RHOBTB1: variants seen among roughly 807,000 people sequenced by gnomAD.
RHOBTB1 encodes the protein rho-related BTB domain-containing protein 1.
In RHOBTB1, 40 loss-of-function variants were observed where a neutral mutation model predicts 71.6. That is an observed-to-expected ratio of 0.56 (90% CI 0.43 to 0.73). The LOEUF is 0.73. RHOBTB1 is among the 30% of genes least tolerant of loss of function. The pLI is 0.00. For missense variants in RHOBTB1, 797 were observed against 894.0 expected, an observed-to-expected ratio of 0.89 and a Z score of 1.38; for synonymous variants, 319 against 334.9, an observed-to-expected ratio of 0.95 and a Z score of 0.52.
At chr10:60,862,527 CCTTTCTTTCT>C in the RHOBTB1 span, among the ~76,000 whole-genome samples, 2 of 149,176 alleles carry the variant, frequency 1.3e-5, no homozygotes, top group Non-Finnish European at 1.5e-5. Flanking sequence ...TCTCTCTCTC[CCTTTCTTTCT>C]CTTTCTTTCT....
At chr10:60,999,781 C>T (rs1174711666) in intron 1 of RHOBTB1, among the ~76,000 whole-genome samples, 1 of 152,238 alleles carries the variant, frequency 6.6e-6, no homozygotes, top group East Asian at 1.9e-4. Flanking sequence ...ATGGTTCAGA[C>T]ACACATGAAC....
At chr10:60,864,778 C>T (rs1006155651), downstream of RHOBTB1, among the ~76,000 whole-genome samples, 7 of 151,430 alleles carry the variant, frequency 4.6e-5, no homozygotes, top group Non-Finnish European at 8.9e-5. Context: ...CTGCAACCTC[C>T]GCCTCCCCAG....
rs569205505 is a variant in RHOBTB1 at position 60,888,552 on chromosome 10, G to C, written c.1116C>G (p.Thr372=). Reference sequence around the variant, plus strand: ...TGCCAATGAACCCCTTACTCCATCCGGTCAAAGTCTGTGTCTCAGGAACTG... The same window carrying C: ...TGCCAATGAACCCCTTACTCCATCCCGTCAAAGTCTGTGTCTCAGGAACTG... ...EGAVPETQTL[T]GWSKGFIGMH... is the part of the protein sequence containing the mutation. Residue 372 remains threonine (T), a synonymous_variant, in exon 6 of 11, where the codon ACC becomes ACG. Coordinates refer to ENST00000337910, the MANE Select transcript of RHOBTB1 (RefSeq NM_014836.5). 6.2e-7 allele frequency: 1 copy of C among 1,614,102 alleles called. No individual in the cohort carries two copies.
chr10:60,945,322 C>G (rs1234718576), upstream of RHOBTB1, among the ~76,000 whole-genome samples: 2 of 152,132 alleles, frequency 1.3e-5, no homozygotes, highest in Non-Finnish European at 2.9e-5. Context: ...AGGCTGTGTG[C>G]AGAGAGCTAG....
At chr10:60,904,294 C>T (rs887163412) in intron 4 of RHOBTB1, among the ~76,000 whole-genome samples, 1 of 152,090 alleles carries the variant, frequency 6.6e-6, no homozygotes, top group Non-Finnish European at 1.5e-5. Context: ...GGAAATATAC[C>T]AAATTTGCAT....
Position 60,911,351 on chromosome 10 carries a change from C to A in RHOBTB1, c.192G>T (p.Glu64Asp). The A allele has an allele frequency of 3.1e-6, 5 of 1,607,154 alleles. No homozygotes were observed. The highest frequency in any genetic ancestry group is 4.3e-6 in the Non-Finnish European group (5 of 1,174,298). ...WAIDQYRVCQEVLERSRDVVD... is the reference protein window; with the variant it reads ...WAIDQYRVCQDVLERSRDVVD... ...GCTGAAGACACTCTGTGCATCTTAC[C>A]TCCTGGCACACGCGGTACTGGTCAA... Residue 64 changes from glutamate to aspartate, a missense_variant and splice_region_variant, in exon 3 of 11, where the codon GAG (glutamate) becomes GAT (aspartate). Coordinates refer to ENST00000337910, the MANE Select transcript of RHOBTB1 (RefSeq NM_014836.5).
intron 2 of RHOBTB1, among the ~76,000 whole-genome samples, chr10:60,952,702 C>T (rs2085455472): frequency 6.6e-6 from 1 of 152,196 alleles, no homozygotes; most frequent in African/African-American, 2.4e-5. Flanking sequence ...ATCCTATATA[C>T]TTGAAAGACT....
At chr10:60,932,045 C>T (rs2084284574) in intron 2 of RHOBTB1, among the ~76,000 whole-genome samples, 1 of 152,146 alleles carries the variant, frequency 6.6e-6, no homozygotes, top group Non-Finnish European at 1.5e-5. Flanking sequence ...ATCAATATAG[C>T]ATAATTCAGT....
At chr10:60,942,518 C>T (rs1381743213) in intron 1 of RHOBTB1, among the ~76,000 whole-genome samples, 1 of 152,170 alleles carries the variant, frequency 6.6e-6, no homozygotes, top group Non-Finnish European at 1.5e-5. Context: ...AACCTTTTTC[C>T]CATTAATATG....
chr10:60,957,188 T>C (rs906543608), intron 2 of RHOBTB1, among the ~76,000 whole-genome samples: 1 of 152,210 alleles, frequency 6.6e-6, no homozygotes, highest in Non-Finnish European at 1.5e-5. Context: ...GAGTACGTTC[T>C]AAAATAATGA....
chr10:60,978,708 A>G (rs1428925561), intron 2 of RHOBTB1, among the ~76,000 whole-genome samples: 1 of 152,160 alleles, frequency 6.6e-6, no homozygotes, highest in Non-Finnish European at 1.5e-5. Flanking sequence ...GAGAGAGCTA[A>G]GCAACATAGA....
intron 2 of RHOBTB1, among the ~76,000 whole-genome samples, chr10:60,915,636 A>C (rs956430214): frequency 6.6e-6 from 1 of 152,204 alleles, no homozygotes; most frequent in African/African-American, 2.4e-5. Context: ...AAGACAGTGC[A>C]GGTGGGGAAG....
intron 2 of RHOBTB1, among the ~76,000 whole-genome samples, chr10:60,938,116 G>C (rs563403217): frequency 7.2e-5 from 11 of 152,258 alleles, no homozygotes; most frequent in East Asian, 3.9e-4. Flanking sequence ...AGCTTAGAAG[G>C]GTGTTATGTT....
At chr10:60,903,997 CTG>C (rs2133186562) in intron 4 of RHOBTB1, among the ~76,000 whole-genome samples, 1 of 151,980 alleles carries the variant, frequency 6.6e-6, no homozygotes, top group African/African-American at 2.4e-5. Flanking sequence ...GGGTCTTGCT[CTG>C]TTTCCCAGGC....
chr10:60,966,311 A>T (rs996002838), intron 2 of RHOBTB1, among the ~76,000 whole-genome samples: 19 of 151,998 alleles, frequency 1.3e-4, no homozygotes, highest in African/African-American at 4.1e-4. Flanking sequence ...TTCGAAAAAA[A>T]AAAAAGCAAA....
rs1336271684 is a variant in RHOBTB1 at position 60,869,723 on chromosome 10, T to TCTTCCACATCTTGTCTCCTTTCTC, written c.*1735_*1758dup. 1 of 152,630 alleles carries TCTTCCACATCTTGTCTCCTTTCTC rather than the reference T, an allele frequency of 6.6e-6. No individual in the cohort carries two copies. The highest frequency in any genetic ancestry group is 2.4e-5 in the African/African-American group (1 of 41,468). The allele number at this position is 152,630 out of a possible 1,614,324, so 9.5% of individuals were successfully genotyped here. A position where few individuals can be genotyped will look rare whatever the true frequency, so the allele number is the denominator to read the frequency against. Reference sequence around the variant, plus strand: ...ATTTTATGGTGGGATACATGTCAATTCTTCCACATCTTGTCTCCTTTCTCC... The same window carrying TCTTCCACATCTTGTCTCCTTTCTC: ...ATTTTATGGTGGGATACATGTCAATTCTTCCACATCTTGTCTCCTTTCTCCTTCCACATCTTGTCTCCTTTCTCC... On this transcript the variant is annotated 3_prime_UTR_variant, in exon 11 of 11. Coordinates refer to ENST00000337910, the MANE Select transcript of RHOBTB1 (RefSeq NM_014836.5).
In RHOBTB1 at chr10:60,871,475, T is replaced by C; in HGVS notation, c.*7A>G. 6.2e-7 allele frequency: 1 copy of C among 1,611,104 alleles called. No homozygotes were observed. Among genetic ancestry groups the C allele is most frequent in the South Asian group, 1.1e-5 (1 of 90,288 alleles). ...GTTTCTGTTTTTTGTTTTTTTTCTC[T>C]TCCTCTTCAGGCCACTGCTGGAGAT... On this transcript the variant is annotated 3_prime_UTR_variant, in exon 11 of 11. Transcript: ENST00000337910.
At chr10:60,962,918 G>A (rs1186692168) in intron 2 of RHOBTB1, among the ~76,000 whole-genome samples, 1 of 152,102 alleles carries the variant, frequency 6.6e-6, no homozygotes, top group Non-Finnish European at 1.5e-5. Flanking sequence ...TTCAATGTAT[G>A]CCATTCCTAA....
intron 1 of RHOBTB1, among the ~76,000 whole-genome samples, chr10:61,001,140 G>A (rs951473700): frequency 7.9e-5 from 12 of 152,058 alleles, no homozygotes; most frequent in Non-Finnish European, 1.5e-4. Context: ...GACACCCAAA[G>A]TATTCTGGAA....
Sources: allele counts gnomAD v4.1 joint callset (sites outside exome capture counted in the v4.1 genomes callset), GRCh38; gene constraint gnomAD v4.1.1; transcripts MANE v1.5; gene names NCBI Gene and HGNC (gene_info 2026-07-23, HGNC 2026-07-21).